The following SMAGP variants were observed in gnomAD, a reference collection of about 807,000 sequenced individuals.
SMAGP encodes small cell adhesion glycoprotein.
SMAGP carries 7 observed loss-of-function variants against 10.1 expected under a neutral mutation model. The observed-to-expected ratio is 0.70, with a 90% CI of 0.40 to 1.31. The LOEUF (loss-of-function observed/expected upper bound fraction) is 1.31. Among genes scored for constraint, SMAGP ranks in the 50% most tolerant of loss-of-function variants. The probability of loss-of-function intolerance (pLI) is 0.01; values close to 1 mark genes in which losing one functional copy is unlikely to be tolerated. For missense variants in SMAGP, 113 were observed against 116.5 expected (o/e 0.97, Z 0.14); for synonymous variants, 49 against 47.2 (o/e 1.04, Z -0.16).
chr12:51,254,469 C>T (rs1592233880), intron 2 of SMAGP, among the ~76,000 whole-genome samples: 1 of 152,050 alleles, frequency 6.6e-6, no homozygotes, highest in Non-Finnish European at 1.5e-5. Flanking sequence ...ATCACTTGAA[C>T]CCAGGAGGCG....
At chr12:51,254,044 G>C (rs981911086) in intron 2 of SMAGP, among the ~76,000 whole-genome samples, 4 of 152,178 alleles carry the variant, frequency 2.6e-5, no homozygotes, top group Admixed American at 2.6e-4. Flanking sequence ...AATGTTTAAT[G>C]AGTATAGAGT....
chr12:51,250,150 G>C (rs1337425789), intron 2 of SMAGP, among the ~76,000 whole-genome samples: 5 of 147,636 alleles, frequency 3.4e-5, no homozygotes, highest in African/African-American at 1.3e-4. Context: ...TGGGAAGATC[G>C]CTTGAGGCCA....
At chr12:51,270,105 G>A (rs1265693752) in intron 1 of SMAGP, 151 bp downstream of exon 1, 4 of 152,144 alleles carry the variant, frequency 2.6e-5, no homozygotes, top group Admixed American at 6.5e-5. Flanking sequence ...GGTGCGTCGG[G>A]GAGCGGCGTT....
chr12:51,270,400 C>A lies in SMAGP; in HGVS notation c.-183G>T. ...AGCGGAGGAAGCCGCGGGTGGCGCG[C>A]GGGGTTGGCGCAGAGGCCGGAGGGG... On this transcript the variant is annotated 5_prime_UTR_variant, in exon 1 of 4. Transcript: ENST00000603798. 1 of 233,044 alleles carries A rather than the reference C, an allele frequency of 4.3e-6. No homozygotes were observed. Among genetic ancestry groups the A allele is most frequent in the Non-Finnish European group, 8.2e-6 (1 of 121,232 alleles). The allele number at this position is 233,044 out of a possible 1,614,324, so 14.4% of individuals were successfully genotyped here.
intron 3 of SMAGP, 147 bp downstream of exon 3, chr12:51,246,604 C>G (rs1048364816): frequency 3.0e-6 from 1 of 336,948 alleles, no homozygotes; most frequent in Non-Finnish European, 5.2e-6. Flanking sequence ...TCTTTTATGG[C>G]TGTGTGTGTG....
intron 2 of SMAGP, among the ~76,000 whole-genome samples, chr12:51,266,976 C>T (rs1034272732): frequency 3.9e-5 from 6 of 152,132 alleles, no homozygotes; most frequent in East Asian, 1.9e-4. Context: ...ATTAGCCAGG[C>T]GTGGTAGCGC....
chr12:51,268,916 C>T (rs532961304), intron 2 of SMAGP, among the ~76,000 whole-genome samples: 1 of 152,170 alleles, frequency 6.6e-6, no homozygotes, highest in South Asian at 2.1e-4. Context: ...GCAATGGGGT[C>T]TCACTATGTT....
rs117048666 is a variant in SMAGP at position 51,269,915 on chromosome 12, G to A, written c.-39+341C>T. The A allele has an allele frequency of 0.036, 5,512 of 151,926 alleles. 120 individuals carry two copies. Among genetic ancestry groups the A allele is most frequent in the East Asian group, 0.1 (510 of 5,060 alleles). 9.4% of individuals were successfully genotyped at this position (151,926 alleles called of 1,614,324 possible). A position where few individuals can be genotyped will look rare whatever the true frequency, so the allele number is the denominator to read the frequency against. ...GCGCGGTCCGCGCACAGCCTGCCAA[G>A]CCTCACTGGGCCCCAGCCCGCGCCC... On this transcript the variant is annotated intron_variant, in intron 1 of 3. Coordinates refer to ENST00000603798, the MANE Select transcript of SMAGP (RefSeq NM_001031628.2).
chr12:51,250,512 T>TG (rs34161918), intron 2 of SMAGP, among the ~76,000 whole-genome samples: 69,323 of 128,112 alleles, frequency 0.54, 17,871 homozygotes, highest in Non-Finnish European at 0.63. Context: ...TTTTTTTTTG[T>TG]TTTTTTTTTG....
In SMAGP at chr12:51,246,133, G is replaced by A. The variant is rs914778815; in HGVS notation, c.116-14C>T. On this transcript the variant is annotated splice_polypyrimidine_tract_variant and intron_variant, in intron 3 of 3. Transcript: ENST00000603798. The stretch of plus-strand genomic sequence containing the variant: ...CGGTGATAACAACTTGGAAAGGAGA[G>A]GGAAAATGTAGAGATGTTTCAGGAT... 17 of 1,613,380 alleles carry A rather than the reference G, an allele frequency of 1.1e-5. No individual in the cohort carries two copies. The highest frequency in any genetic ancestry group is 1.3e-5 in the Non-Finnish European group (15 of 1,179,528).
intron 2 of SMAGP, among the ~76,000 whole-genome samples, chr12:51,253,122 C>T (rs2137299985): frequency 6.6e-6 from 1 of 152,212 alleles, no homozygotes. Flanking sequence ...ACTATTACGG[C>T]CTGTTTGGGG....
rs1944739364 is a variant in SMAGP, at chr12:51,244,578, T to C, written c.*1363A>G. The C allele has an allele frequency of 6.6e-6, 1 of 152,254 alleles. No individual in the cohort carries two copies. Among genetic ancestry groups the C allele is most frequent in the Non-Finnish European group, 1.5e-5 (1 of 68,044 alleles). 9.4% of individuals were successfully genotyped at this position (152,254 alleles called of 1,614,324 possible). A position where few individuals can be genotyped will look rare whatever the true frequency, so the allele number is the denominator to read the frequency against. On this transcript the variant is annotated 3_prime_UTR_variant, in exon 4 of 4. Coordinates refer to ENST00000603798, the MANE Select transcript of SMAGP (RefSeq NM_001031628.2). ...ATACATTAAGACTTCAAAGGAGATC[T>C]AGCTTTAATTCCAAAGTGAACAATA...
In SMAGP at chr12:51,246,060, G is replaced by A; in HGVS notation, c.175C>T (p.Leu59=). 2 of 1,613,920 alleles carry A rather than the reference G, an allele frequency of 1.2e-6. No individual in the cohort carries two copies. The highest frequency in any genetic ancestry group is 1.7e-6 in the Non-Finnish European group (2 of 1,179,872). ...LSVVILIFFY[L]YKNKGSYVTY... is the part of the protein sequence containing the mutation. Reference sequence around the variant, plus strand: ...ACGTAGCTGCCTTTGTTCTTGTACAGGTAAAAGAAGATCAAGATCACGACC... The same window carrying A: ...ACGTAGCTGCCTTTGTTCTTGTACAAGTAAAAGAAGATCAAGATCACGACC... The change falls in exon 4 of 4, where the codon CTG becomes TTG. Residue 59 remains leucine (L), a synonymous_variant. Transcript: ENST00000603798.
At chr12:51,266,031 G>A (rs983786466) in intron 2 of SMAGP, among the ~76,000 whole-genome samples, 42 of 151,860 alleles carry the variant, frequency 2.8e-4, no homozygotes, top group African/African-American at 9.4e-4. Context: ...GCAGTGAGCT[G>A]AGATGGCGCT....
intron 3 of SMAGP, chr12:51,246,379 G>A: frequency 2.0e-6 from 1 of 489,496 alleles, no homozygotes; most frequent in African/African-American, 1.9e-5. Flanking sequence ...ACCAGTTCCT[G>A]ATTCTTAAAG....
In SMAGP at chr12:51,248,428, ACACACACTCTCTCTCTCTCT is replaced by A. The variant is rs775732258; in HGVS notation, c.35-1617_35-1598del. 9.2e-3 allele frequency among the ~76,000 whole-genome samples: 964 copies of A among 104,432 alleles called. 3 individuals carry two copies. The highest frequency in any genetic ancestry group is 0.03 in the East Asian group (70 of 2,314). The allele number at this position is 104,432 out of a possible 152,430, so 68.5% of individuals were successfully genotyped here. ...CACACACACACACACACACACACAC[ACACACACTCTCTCTCTCTCT>A]CTCTCTCTCTCTCTCTCTCTCTCTC... On this transcript the variant is annotated intron_variant, in intron 2 of 3. Coordinates refer to ENST00000603798, the MANE Select transcript of SMAGP (RefSeq NM_001031628.2).
chr12:51,245,700 G>A lies in SMAGP; in HGVS notation c.*241C>T, dbSNP rs1173382842. On this transcript the variant is annotated 3_prime_UTR_variant, in exon 4 of 4. Transcript: ENST00000603798. ...CCCCTGGCATAGCCACATCTTGTTG[G>A]CCAGTCACAAACACCAGCTCTAGTA... 1 of 463,624 alleles carries A rather than the reference G, an allele frequency of 2.2e-6. No individual in the cohort carries two copies. The highest frequency in any genetic ancestry group is 3.9e-6 in the Non-Finnish European group (1 of 256,650). 28.7% of individuals were successfully genotyped at this position (463,624 alleles called of 1,614,324 possible). A position where few individuals can be genotyped will look rare whatever the true frequency, so the allele number is the denominator to read the frequency against.
chr12:51,258,362 C>T (rs537256129), intron 2 of SMAGP, among the ~76,000 whole-genome samples: 1 of 152,064 alleles, frequency 6.6e-6, no homozygotes, highest in East Asian at 1.9e-4. Context: ...GCAGGTGGAT[C>T]ACCTAAGGTG....
chr12:51,247,751 C>CTCA (rs1375810897), intron 2 of SMAGP, among the ~76,000 whole-genome samples: 1 of 152,188 alleles, frequency 6.6e-6, no homozygotes, highest in African/African-American at 2.4e-5. Flanking sequence ...AACAGCAACA[C>CTCA]TCACCCACTG....
Sources: gnomAD v4.1 joint callset for allele counts (sites outside exome capture counted in the v4.1 genomes callset) on GRCh38, gnomAD v4.1.1 for gene constraint, MANE v1.5 for transcripts, NCBI Gene and HGNC (gene_info 2026-07-23, HGNC 2026-07-21) for gene names.